The following SLC24A2 variants were observed in gnomAD, a reference collection of about 807,000 sequenced individuals.
SLC24A2 encodes the protein sodium/potassium/calcium exchanger 2.
SLC24A2 carries 36 observed loss-of-function variants against 62.0 expected under a neutral mutation model. The observed-to-expected ratio is 0.58, with a 90% CI of 0.44 to 0.77. The LOEUF is 0.77. SLC24A2 is among the 30% of genes least tolerant of loss of function. The probability of loss-of-function intolerance (pLI) is 0.00; values close to 1 mark genes in which losing one functional copy is unlikely to be tolerated. For synonymous variants in SLC24A2, 358 were observed against 294.0 expected, an observed-to-expected ratio of 1.22 and a Z score of -2.23; for missense variants, 846 against 817.9, an observed-to-expected ratio of 1.03 and a Z score of -0.42.
the SLC24A2 span, among the ~76,000 whole-genome samples, chr9:20,169,112 T>G: frequency 6.6e-6 from 1 of 152,010 alleles, no homozygotes; most frequent in Non-Finnish European, 1.5e-5. Flanking sequence ...AAGGACCCAC[T>G]GTAAGATCAC....
intron 10 of SLC24A2, among the ~76,000 whole-genome samples, chr9:19,517,928 C>G (rs1044380002): frequency 7.0e-6 from 1 of 142,456 alleles, no homozygotes; most frequent in Non-Finnish European, 1.5e-5. Context: ...CACACACACA[C>G]ACACACACAC....
At chr9:19,911,538 G>A in the SLC24A2 span, among the ~76,000 whole-genome samples, 1 of 152,088 alleles carries the variant, frequency 6.6e-6, no homozygotes, top group Non-Finnish European at 1.5e-5. Flanking sequence ...TTGGCAGATG[G>A]TTGGTGCTGA....
the SLC24A2 span, among the ~76,000 whole-genome samples, chr9:20,305,631 T>C: frequency 6.6e-6 from 1 of 152,180 alleles, no homozygotes; most frequent in Non-Finnish European, 1.5e-5. Context: ...GCAGAGACTA[T>C]GCTAAGTATT....
chr9:19,785,996 T>C lies in SLC24A2; in HGVS notation c.871A>G (p.Lys291Glu), dbSNP rs1190201889. 6.2e-7 allele frequency: 1 copy of C among 1,614,068 alleles called. No homozygotes were observed. The highest frequency in any genetic ancestry group is 1.7e-5 in the Admixed American group (1 of 60,014). The change falls in exon 2 of 11, where the codon AAG becomes GAG. Residue 291 changes from lysine to glutamate, a missense_variant. Physicochemically the swap from Lys to Glu is moderately conservative, Grantham distance 56. Transcript: ENST00000341998. ...ACCTTATTGCGGTTTATCATTTGCT[T>C]CACCCATTTTTCTACTTGGACGTTG... is the stretch of plus-strand genomic sequence containing the variant. ...KFNVQVEKWV[K>E]QMINRNKVVK... is the part of the protein sequence containing the mutation.
chr9:20,236,894 T>C, the SLC24A2 span, among the ~76,000 whole-genome samples: 1 of 151,788 alleles, frequency 6.6e-6, no homozygotes, highest in Non-Finnish European at 1.5e-5. Flanking sequence ...TAACTATTGC[T>C]GCCTACTTGT....
chr9:19,944,654 G>A, the SLC24A2 span, among the ~76,000 whole-genome samples: 3,618 of 152,186 alleles, frequency 0.024, 127 homozygotes, highest in African/African-American at 0.081. Flanking sequence ...CATATGGGAC[G>A]GTGCCTTTCT....
At chr9:20,214,949 A>C in the SLC24A2 span, among the ~76,000 whole-genome samples, 1 of 152,248 alleles carries the variant, frequency 6.6e-6, no homozygotes, top group African/African-American at 2.4e-5. Flanking sequence ...ATCCTATCTA[A>C]TGCAAATATC....
intron 2 of SLC24A2, among the ~76,000 whole-genome samples, chr9:19,762,202 A>G (rs968079444): frequency 3.9e-5 from 6 of 152,032 alleles, no homozygotes; most frequent in African/African-American, 1.5e-4. Context: ...TAGATTCTGG[A>G]TATTAGCCCT....
At chr9:19,914,824 G>A in the SLC24A2 span, among the ~76,000 whole-genome samples, 1 of 152,080 alleles carries the variant, frequency 6.6e-6, no homozygotes, top group Non-Finnish European at 1.5e-5. Context: ...CATGTGGACA[G>A]GATGGGATCC....
chr9:20,141,680 C>T, the SLC24A2 span, among the ~76,000 whole-genome samples: 1 of 151,856 alleles, frequency 6.6e-6, no homozygotes, highest in Non-Finnish European at 1.5e-5. Context: ...ATGATGCTGC[C>T]CTTTCTAGAA....
At chr9:19,851,023 ACATATTT>A in the SLC24A2 span, among the ~76,000 whole-genome samples, 26 of 55,594 alleles carry the variant, frequency 4.7e-4, no homozygotes, top group Non-Finnish European at 6.8e-4. Context: ...ATATATATAT[ACATATTT>A]TTTTTTTTTT....
chr9:20,304,064 T>C, the SLC24A2 span, among the ~76,000 whole-genome samples: 4 of 152,224 alleles, frequency 2.6e-5, no homozygotes, highest in Non-Finnish European at 4.4e-5. Context: ...ACTAATTCGT[T>C]AGTCTTGGGT....
the SLC24A2 span, among the ~76,000 whole-genome samples, chr9:19,969,032 T>C: frequency 6.6e-6 from 1 of 152,132 alleles, no homozygotes; most frequent in Non-Finnish European, 1.5e-5. Context: ...AATCCCATTT[T>C]CTTTCCAGTG....
At chr9:19,764,105 T>C (rs1822437316) in intron 2 of SLC24A2, among the ~76,000 whole-genome samples, 1 of 152,282 alleles carries the variant, frequency 6.6e-6, no homozygotes, top group Admixed American at 6.5e-5. Flanking sequence ...TGCATAGAGG[T>C]GTTTATAGTA....
chr9:19,992,500 C>A, the SLC24A2 span, among the ~76,000 whole-genome samples: 1 of 152,262 alleles, frequency 6.6e-6, no homozygotes, highest in Admixed American at 6.5e-5. Flanking sequence ...ATTTACCGTT[C>A]CATTCAAATT....
chr9:19,734,461 A>G (rs1006823983), intron 2 of SLC24A2, among the ~76,000 whole-genome samples: 8 of 152,150 alleles, frequency 5.3e-5, no homozygotes, highest in East Asian at 1.9e-4. Flanking sequence ...CATTGAATCT[A>G]TAAATTACCT....
At chr9:19,555,586 G>A (rs752659272) in intron 7 of SLC24A2, among the ~76,000 whole-genome samples, 25 of 152,256 alleles carry the variant, frequency 1.6e-4, no homozygotes, top group African/African-American at 4.8e-4. Flanking sequence ...TGAGGCAGGC[G>A]TAAATAAAAA....
chr9:20,056,793 C>G, the SLC24A2 span, among the ~76,000 whole-genome samples: 1 of 152,162 alleles, frequency 6.6e-6, no homozygotes, highest in Non-Finnish European at 1.5e-5. Context: ...GGGCTGCAAT[C>G]CAGCAATGTA....
intron 4 of SLC24A2, among the ~76,000 whole-genome samples, chr9:19,606,667 C>T (rs1237697719): frequency 6.6e-6 from 1 of 152,202 alleles, no homozygotes; most frequent in Non-Finnish European, 1.5e-5. Flanking sequence ...CGCACACACA[C>T]ACACTAAACA....
Sources: gnomAD v4.1 joint callset for allele counts (sites outside exome capture counted in the v4.1 genomes callset) on GRCh38, gnomAD v4.1.1 for gene constraint, MANE v1.5 for transcripts, NCBI Gene and HGNC (gene_info 2026-07-23, HGNC 2026-07-21) for gene names.